UBASH3A: variants seen among roughly 807,000 people sequenced by gnomAD.
The protein encoded by UBASH3A is ubiquitin associated and SH3 domain containing A.
UBASH3A carries 63 observed loss-of-function variants against 73.5 expected under a neutral mutation model. The ratio of observed to expected loss-of-function variants is 0.86; its 90% CI spans 0.70 to 1.06. UBASH3A has a LOEUF of 1.06. Ranked by LOEUF, UBASH3A falls within the 50% of genes least tolerant of loss-of-function variation. The pLI is 0.00. For synonymous variants in UBASH3A, 363 were observed against 351.1 expected, an observed-to-expected ratio of 1.03 and a Z score of -0.38; for missense variants, 860 against 859.0, an observed-to-expected ratio of 1.00 and a Z score of -0.02.
intron 9 of UBASH3A, among the ~76,000 whole-genome samples, chr21:42,432,610 G>C (rs143743432): frequency 6.6e-6 from 1 of 152,150 alleles, no homozygotes; most frequent in Non-Finnish European, 1.5e-5. Flanking sequence ...TCTCCTAATA[G>C]GAAGCCTGTA....
At chr21:42,410,488 A>C in intron 3 of UBASH3A, 1 of 421,296 alleles carries the variant, frequency 2.4e-6, no homozygotes, top group Non-Finnish European at 4.2e-6. Flanking sequence ...GATTTCTGGA[A>C]GATGTCCCAG....
intron 3 of UBASH3A, among the ~76,000 whole-genome samples, chr21:42,412,247 T>G (rs1349888366): frequency 1.3e-5 from 2 of 152,056 alleles, no homozygotes; most frequent in African/African-American, 4.8e-5. Flanking sequence ...GGCAAGGCTG[T>G]CGGGCCAGCA....
intron 10 of UBASH3A, among the ~76,000 whole-genome samples, chr21:42,435,768 G>A (rs1220546039): frequency 6.6e-6 from 1 of 151,678 alleles, no homozygotes; most frequent in African/African-American, 2.4e-5. Flanking sequence ...TATAGAGTTA[G>A]TTATAGAGTT....
At chr21:42,425,397 G>A (rs1234816585) in intron 7 of UBASH3A, among the ~76,000 whole-genome samples, 1 of 152,232 alleles carries the variant, frequency 6.6e-6, no homozygotes, top group Non-Finnish European at 1.5e-5. Flanking sequence ...GCCGCAGGGA[G>A]GCTGTGGGTG....
intron 7 of UBASH3A, among the ~76,000 whole-genome samples, chr21:42,419,667 A>C (rs2053295586): frequency 6.6e-6 from 1 of 152,190 alleles, no homozygotes. Flanking sequence ...CCAAGTCCCA[A>C]AGTTGTTTCC....
At chr21:42,432,610 G>T (rs143743432) in intron 9 of UBASH3A, among the ~76,000 whole-genome samples, 2 of 152,268 alleles carry the variant, frequency 1.3e-5, no homozygotes, top group East Asian at 3.9e-4. Context: ...TCTCCTAATA[G>T]GAAGCCTGTA....
intron 10 of UBASH3A, among the ~76,000 whole-genome samples, chr21:42,435,727 A>T (rs1422317755): frequency 1.3e-5 from 2 of 151,956 alleles, no homozygotes; most frequent in East Asian, 3.9e-4. Flanking sequence ...AGAGTTAGTT[A>T]TAGAGTTATA....
At chr21:42,420,547 A>T (rs1797440340) in intron 7 of UBASH3A, among the ~76,000 whole-genome samples, 1 of 152,154 alleles carries the variant, frequency 6.6e-6, no homozygotes, top group South Asian at 2.1e-4. Flanking sequence ...GTATACACAC[A>T]TCTATATTGA....
rs1601606069 is a variant in UBASH3A, at chr21:42,443,255, C to A, written c.1632-57C>A. ...CCTTCCCCAGCTAACTGCAGCTGAG[C>A]CTTCCTAATCCCTACGAAAGTGCCA... is the stretch of plus-strand genomic sequence containing the variant. On this transcript the variant is annotated intron_variant, in intron 12 of 14. Coordinates refer to ENST00000319294, the MANE Select transcript of UBASH3A (RefSeq NM_018961.4). 5 of 1,536,304 alleles carry A rather than the reference C, an allele frequency of 3.3e-6. No homozygotes were observed. The Admixed American group carries it at 5.9e-5, about 18-fold the overall frequency.
chr21:42,413,234 T>C lies in UBASH3A; in HGVS notation c.553+12T>C. 1 of 1,614,090 alleles carries C rather than the reference T, an allele frequency of 6.2e-7. No homozygotes were observed. The highest frequency in any genetic ancestry group is 8.5e-7 in the Non-Finnish European group (1 of 1,179,980). On this transcript the variant is annotated intron_variant, in intron 4 of 14. Coordinates refer to ENST00000319294, the MANE Select transcript of UBASH3A (RefSeq NM_018961.4). The surrounding 1 kb of genome is among the most constrained non-coding windows in gnomAD (Gnocchi z 4.5). Reference sequence around the variant, plus strand: ...ATCTCTCTTAGCAGGTGGGCAGCCCTGGCCAGTTGCAAACACAGGGCTGGA... The same window carrying C: ...ATCTCTCTTAGCAGGTGGGCAGCCCCGGCCAGTTGCAAACACAGGGCTGGA...
chr21:42,438,235 T>C (rs2098317307), intron 11 of UBASH3A, among the ~76,000 whole-genome samples: 1 of 151,808 alleles, frequency 6.6e-6, no homozygotes, highest in Non-Finnish European at 1.5e-5. Flanking sequence ...GCCTCCATGG[T>C]GACAAGGGAG....
rs773560755 is a variant in UBASH3A at position 42,434,833 on chromosome 21, G to A, written c.1272G>A (p.Gly424=). The A allele has an allele frequency of 2.5e-6, 4 of 1,612,978 alleles. No individual in the cohort carries two copies. Among genetic ancestry groups the A allele is most frequent in the Admixed American group, 3.3e-5 (2 of 59,752 alleles). The change falls in exon 10 of 15, where the codon GGG becomes GGA. Residue 424 remains glycine (G), a splice_region_variant and synonymous_variant. Transcript: ENST00000319294. ...GTCTGATGCTTATTTATACTTCAGG[G>A]AAATACTACAGGCCAGACCTGAATT... ...AWLQQCSTPD[G]KYYRPDLNFP...
intron 6 of UBASH3A, among the ~76,000 whole-genome samples, 182 bp from the exon 7 acceptor site, chr21:42,418,219 G>T (rs1342312585): frequency 6.6e-6 from 1 of 152,166 alleles, no homozygotes; most frequent in Non-Finnish European, 1.5e-5. Context: ...AGAATTCTAT[G>T]CTGCGTTTCA....
chr21:42,434,267 G>A lies in UBASH3A; in HGVS notation c.1271-565G>A, dbSNP rs112520918. On this transcript the variant is annotated intron_variant, in intron 9 of 14. Coordinates refer to ENST00000319294, the MANE Select transcript of UBASH3A (RefSeq NM_018961.4). ...TGATGCCAGGATTTGCTACCAGACT[G>A]TCAGATCTTAGAACTCAAGGTCAAA... Among the ~76,000 whole-genome samples the A allele has an allele frequency of 8.6e-3, 1,314 of 152,306 alleles. 19 individuals carry two copies. Among genetic ancestry groups the A allele is most frequent in the African/African-American group, 0.029 (1,203 of 41,566 alleles).
chr21:42,418,881 C>T (rs1278907479), intron 7 of UBASH3A, among the ~76,000 whole-genome samples: 1 of 152,150 alleles, frequency 6.6e-6, no homozygotes, highest in Non-Finnish European at 1.5e-5. Flanking sequence ...TTCTTTATCA[C>T]ACACATAATA....
intron 3 of UBASH3A, among the ~76,000 whole-genome samples, chr21:42,411,943 T>C (rs2053106862): frequency 6.6e-6 from 1 of 152,168 alleles, no homozygotes; most frequent in Non-Finnish European, 1.5e-5. Context: ...CAGGCCGGCC[T>C]GTCCATGGGG....
intron 1 of UBASH3A, among the ~76,000 whole-genome samples, chr21:42,405,373 C>G (rs1025455620): frequency 1.3e-5 from 2 of 152,182 alleles, no homozygotes; most frequent in Non-Finnish European, 2.9e-5. Flanking sequence ...GCTTTCCATG[C>G]CTTTGAAGGA....
At chr21:42,411,710 C>T (rs185689164) in intron 3 of UBASH3A, among the ~76,000 whole-genome samples, 60 of 152,318 alleles carry the variant, frequency 3.9e-4, no homozygotes, top group African/African-American at 1.4e-3. Flanking sequence ...AAGAGTGTAA[C>T]GGAGACTCAC....
At chr21:42,432,742 A>G (rs2053557384) in intron 9 of UBASH3A, among the ~76,000 whole-genome samples, 1 of 152,232 alleles carries the variant, frequency 6.6e-6, no homozygotes. Flanking sequence ...GAAGCCCAGC[A>G]GACCCAAGAA....
Sources: gnomAD v4.1 joint callset for allele counts (sites outside exome capture counted in the v4.1 genomes callset) on GRCh38, gnomAD v4.1.1 for gene constraint, Gnocchi (gnomAD v3.1) non-coding constraint, MANE v1.5 for transcripts, NCBI Gene and HGNC (gene_info 2026-07-23, HGNC 2026-07-21) for gene names.